SHISA9: variants seen among roughly 807,000 people sequenced by gnomAD.
SHISA9 encodes shisa family member 9, also known as protein shisa-9.
Under a neutral mutation model 38.0 loss-of-function variants are expected in SHISA9, and 13 were observed. The ratio of observed to expected loss-of-function variants is 0.34; its 90% CI spans 0.22 to 0.54. The LOEUF (loss-of-function observed/expected upper bound fraction) is 0.54. Ranked by LOEUF, SHISA9 falls within the 20% of genes least tolerant of loss-of-function variation. SHISA9 has a pLI of 0.91. For synonymous variants in SHISA9, 275 were observed against 242.0 expected, an observed-to-expected ratio of 1.14 and a Z score of -1.27; for missense variants, 538 against 575.8, an observed-to-expected ratio of 0.93 and a Z score of 0.67.
the SHISA9 span, among the ~76,000 whole-genome samples, chr16:13,259,414 C>G: frequency 6.6e-6 from 1 of 152,184 alleles, no homozygotes; most frequent in Non-Finnish European, 1.5e-5. Context: ...AGTGGATCTA[C>G]TATTCTGTAC....
chr16:13,246,096 T>TA, the SHISA9 span, among the ~76,000 whole-genome samples: 1 of 152,178 alleles, frequency 6.6e-6, no homozygotes, highest in Non-Finnish European at 1.5e-5. Context: ...ATTCACCACA[T>TA]AAAACCAAAA....
At chr16:13,540,017 A>G in the SHISA9 span, among the ~76,000 whole-genome samples, 1 of 152,152 alleles carries the variant, frequency 6.6e-6, no homozygotes, top group East Asian at 1.9e-4. Flanking sequence ...TTTTAGGTGG[A>G]TTCCATGTCT....
chr16:13,244,047 A>G (rs1389217163), downstream of SHISA9, among the ~76,000 whole-genome samples: 1 of 152,162 alleles, frequency 6.6e-6, no homozygotes, highest in Admixed American at 6.5e-5. Context: ...CTGGGATTAC[A>G]GGCCTGAGCC....
chr16:13,243,852 A>G (rs891250724), downstream of SHISA9, among the ~76,000 whole-genome samples: 1 of 144,238 alleles, frequency 6.9e-6, no homozygotes, highest in Non-Finnish European at 1.5e-5. Context: ...AGTTCACTGC[A>G]ACCTCTGCCT....
At chr16:12,985,048 A>G (rs2072288951) in intron 2 of SHISA9, among the ~76,000 whole-genome samples, 1 of 152,088 alleles carries the variant, frequency 6.6e-6, no homozygotes, top group Non-Finnish European at 1.5e-5. Context: ...TCATTGGTTT[A>G]TCCTCTGAGC....
chr16:13,477,051 CT>C, the SHISA9 span, among the ~76,000 whole-genome samples: 33 of 152,048 alleles, frequency 2.2e-4, no homozygotes, highest in African/African-American at 7.2e-4. Context: ...GCCTTTTTTT[CT>C]TTTGAACAAT....
chr16:12,952,400 C>A (rs558833572), intron 2 of SHISA9, among the ~76,000 whole-genome samples: 2 of 152,330 alleles, frequency 1.3e-5, no homozygotes, highest in African/African-American at 4.8e-5. Flanking sequence ...GAGTCTTCCC[C>A]AGTTTTTATC....
At chr16:13,254,900 C>A in the SHISA9 span, among the ~76,000 whole-genome samples, 1 of 152,198 alleles carries the variant, frequency 6.6e-6, no homozygotes, top group Non-Finnish European at 1.5e-5. Context: ...AGATTAATAC[C>A]AAGTAGCAGA....
At chr16:12,930,526 G>A (rs552128521) in intron 2 of SHISA9, among the ~76,000 whole-genome samples, 8 of 151,954 alleles carry the variant, frequency 5.3e-5, no homozygotes, top group South Asian at 2.1e-4. Flanking sequence ...CATTTCTTTC[G>A]GCTTCTCTGT....
At chr16:13,516,928 A>G in the SHISA9 span, among the ~76,000 whole-genome samples, 3 of 152,164 alleles carry the variant, frequency 2.0e-5, no homozygotes, top group Non-Finnish European at 4.4e-5. Flanking sequence ...AATAAAACTG[A>G]CCTGTTCACT....
At chr16:13,264,536 A>G in the SHISA9 span, among the ~76,000 whole-genome samples, 3 of 152,140 alleles carry the variant, frequency 2.0e-5, no homozygotes, top group South Asian at 4.1e-4. Flanking sequence ...TGACCTCAGG[A>G]TGAAGCATCC....
the SHISA9 span, among the ~76,000 whole-genome samples, chr16:13,405,487 T>C: frequency 6.6e-6 from 1 of 152,208 alleles, no homozygotes; most frequent in African/African-American, 2.4e-5. Flanking sequence ...TCTTCAACAT[T>C]TATTTTAGGT....
chr16:13,264,441 A>T, the SHISA9 span, among the ~76,000 whole-genome samples: 2 of 152,028 alleles, frequency 1.3e-5, no homozygotes, highest in Admixed American at 6.6e-5. Flanking sequence ...CCAAAGTGCT[A>T]GGATTACAGG....
At chr16:13,316,685 A>G in the SHISA9 span, among the ~76,000 whole-genome samples, 1 of 152,228 alleles carries the variant, frequency 6.6e-6, no homozygotes, top group East Asian at 1.9e-4. Flanking sequence ...TGTAAGTCAC[A>G]TTCCAATTCC....
chr16:12,927,150 A>G (rs1210315148), intron 2 of SHISA9, among the ~76,000 whole-genome samples: 1 of 152,216 alleles, frequency 6.6e-6, no homozygotes, highest in African/African-American at 2.4e-5. Flanking sequence ...TACATATATT[A>G]AAATAATTTA....
chr16:13,421,062 C>T, the SHISA9 span, among the ~76,000 whole-genome samples: 1 of 152,130 alleles, frequency 6.6e-6, no homozygotes, highest in Non-Finnish European at 1.5e-5. Flanking sequence ...TTAATGCAAA[C>T]CCAGGGAGCA....
the SHISA9 span, among the ~76,000 whole-genome samples, chr16:13,551,695 G>A: frequency 6.6e-6 from 1 of 152,100 alleles, no homozygotes; most frequent in Non-Finnish European, 1.5e-5. Flanking sequence ...GACACAAAGG[G>A]GCTTCATACT....
chr16:13,525,279 T>C, the SHISA9 span, among the ~76,000 whole-genome samples: 980 of 152,162 alleles, frequency 6.4e-3, 65 homozygotes, highest in East Asian at 0.16. Flanking sequence ...AAAGGGACAG[T>C]AGAGATAGTG....
intron 2 of SHISA9, among the ~76,000 whole-genome samples, chr16:12,945,133 C>G (rs572552787): frequency 1.3e-5 from 2 of 152,224 alleles, no homozygotes; most frequent in East Asian, 3.9e-4. Context: ...GTGAGAACCA[C>G]GTGTGTTTTT....
Sources: gnomAD v4.1 joint callset for allele counts (sites outside exome capture counted in the v4.1 genomes callset) on GRCh38, gnomAD v4.1.1 for gene constraint, MANE v1.5 for transcripts, NCBI Gene and HGNC (gene_info 2026-07-23, HGNC 2026-07-21) for gene names.